The following CKAP5 variants were observed in gnomAD, a reference collection of about 807,000 sequenced individuals.
The protein encoded by CKAP5 is cytoskeleton-associated protein 5.
In CKAP5, 27 loss-of-function variants were observed where a neutral mutation model predicts 232.8. That is an observed-to-expected ratio of 0.12 (90% CI 0.09 to 0.16). The LOEUF is 0.16. Ranked by LOEUF, CKAP5 falls within the 10% of genes least tolerant of loss-of-function variation. The pLI is 1.00. For synonymous variants in CKAP5, 785 were observed against 841.1 expected, an observed-to-expected ratio of 0.93 and a Z score of 1.16; for missense variants, 1,838 against 2,424.7, an observed-to-expected ratio of 0.76 and a Z score of 5.08.
chr11:46,800,931 A>G (rs1040842448), intron 9 of CKAP5, among the ~76,000 whole-genome samples: 1 of 152,028 alleles, frequency 6.6e-6, no homozygotes, highest in South Asian at 2.1e-4. Flanking sequence ...TAGTAAGTAA[A>G]TAAGTAATAA....
chr11:46,762,937 G>T, intron 30 of CKAP5, 39 bp downstream of exon 30: 1 of 1,564,004 alleles, frequency 6.4e-7, no homozygotes, highest in Non-Finnish European at 8.8e-7. Context: ...GGTCAGCTGG[G>T]AACTTAAGCA....
intron 8 of CKAP5, 122 bp downstream of exon 8, chr11:46,807,909 T>C (rs1939192720): frequency 1.6e-6 from 1 of 628,910 alleles, no homozygotes. Flanking sequence ...ATGTCTGTAA[T>C]TCAAATACCA....
intron 38 of CKAP5, among the ~76,000 whole-genome samples, chr11:46,752,369 T>C (rs1291974135): frequency 1.3e-5 from 2 of 150,350 alleles, no homozygotes; most frequent in Non-Finnish European, 1.5e-5. Context: ...AAGGCTGGAG[T>C]GTAGTGGTAT....
Position 46,763,580 on chromosome 11 carries a change from T to C in CKAP5, c.3588A>G (p.Leu1196=). The C allele has an allele frequency of 6.3e-7, 1 of 1,598,642 alleles. No homozygotes were observed. Among genetic ancestry groups the C allele is most frequent in the Non-Finnish European group, 8.5e-7 (1 of 1,173,640 alleles). ...TTPRDEYIEQ[L]KTQMSSCVAK... ...CCACACAGCTAGACATTTGAGTCTT[T>C]AGTTGCTCAATGTATTCATCCCGTG... is the stretch of plus-strand genomic sequence containing the variant. The change falls in exon 29 of 44, where the codon CTA becomes CTG. Residue 1196 remains leucine (L), a synonymous_variant. Coordinates refer to ENST00000529230, the MANE Select transcript of CKAP5 (RefSeq NM_001008938.4).
At chr11:46,753,232 C>T in intron 37 of CKAP5, 78 bp downstream of exon 37, 1 of 1,205,710 alleles carries the variant, frequency 8.3e-7, no homozygotes, top group East Asian at 2.5e-5. Flanking sequence ...AGGAAGTTGA[C>T]TTACGGACAT....
intron 1 of CKAP5, among the ~76,000 whole-genome samples, chr11:46,832,478 G>A (rs1939814112): frequency 6.6e-6 from 1 of 152,176 alleles, no homozygotes; most frequent in African/African-American, 2.4e-5. Context: ...GTCATGTTGA[G>A]CTCTGGAGGT....
rs141354906 is a variant in CKAP5 at position 46,804,917 on chromosome 11, G to C, written c.978+3114C>G. On this transcript the variant is annotated intron_variant, in intron 8 of 43. Transcript: ENST00000529230. ...CATGACAAAATCAAAGAAGCGATGA[G>C]CTGGGAGGGAGGCATCTTATAAATA... Among the ~76,000 whole-genome samples the C allele has an allele frequency of 2.7e-3, 414 of 151,802 alleles. 3 individuals are homozygous for C. The highest frequency in any genetic ancestry group is 9.8e-3 in the African/African-American group (406 of 41,476).
chr11:46,821,931 CG>C (rs1309296091), intron 1 of CKAP5, among the ~76,000 whole-genome samples: 1 of 151,872 alleles, frequency 6.6e-6, no homozygotes, highest in African/African-American at 2.4e-5. Flanking sequence ...CCCATCTACT[CG>C]GAAGTCTGAG....
At chr11:46,835,781 G>T (rs529833649) in intron 1 of CKAP5, among the ~76,000 whole-genome samples, 1 of 152,162 alleles carries the variant, frequency 6.6e-6, no homozygotes, top group South Asian at 2.1e-4. Context: ...CACCCACTTT[G>T]GGGGTGGGCT....
rs746926100 is a variant in CKAP5 at position 46,760,384 on chromosome 11, G to A, written c.4394+228C>T. 3 of 672,674 alleles carry A rather than the reference G, an allele frequency of 4.5e-6. No homozygotes were observed. In the South Asian group the frequency reaches 4.6e-5, roughly 10 times the overall value. The allele number at this position is 672,674 out of a possible 1,614,324, so 41.7% of individuals were successfully genotyped here. On this transcript the variant is annotated intron_variant, in intron 33 of 43. Transcript: ENST00000529230. ...AAGTGCGATACATAATTCTGTCCAC[G>A]GAAAAGCAGTGAAAGAAGGCACAAG...
intron 31 of CKAP5, 175 bp from the exon 32 acceptor site, chr11:46,762,368 C>T: frequency 1.1e-6 from 1 of 875,136 alleles, no homozygotes; most frequent in Non-Finnish European, 1.9e-6. Flanking sequence ...TCAGCAAGTG[C>T]TCCTGAAAGG....
At chr11:46,843,728 GAAAAAAAAA>G (rs11362980) in intron 1 of CKAP5, among the ~76,000 whole-genome samples, 1 of 107,558 alleles carries the variant, frequency 9.3e-6, no homozygotes, top group African/African-American at 3.6e-5. Flanking sequence ...AGATCTGATT[GAAAAAAAAA>G]AAAAAAAAAA....
intron 31 of CKAP5, 134 bp downstream of exon 31, chr11:46,762,493 T>G: frequency 8.9e-7 from 1 of 1,123,384 alleles, no homozygotes; most frequent in Non-Finnish European, 1.4e-6. Flanking sequence ...AACTCATCAC[T>G]CTCACAGTCT....
chr11:46,762,149 T>A lies in CKAP5; in HGVS notation c.4072A>T (p.Asn1358Tyr). 1.9e-6 allele frequency: 3 copies of A among 1,614,116 alleles called. No individual in the cohort carries two copies. Among genetic ancestry groups the A allele is most frequent in the Non-Finnish European group, 2.5e-6 (3 of 1,179,994 alleles). ...TTTCCTGGGGTTGGTTGGCAAACATTCATGCCATAGGACTCAACCAGACAT... is the reference window on the plus strand; with the variant it reads ...TTTCCTGGGGTTGGTTGGCAAACATACATGCCATAGGACTCAACCAGACAT... ...LGCLVESYGMNVCQPTPGKAL... is the reference protein window; with the variant it reads ...LGCLVESYGMYVCQPTPGKAL... Residue 1358 changes from asparagine (N) to tyrosine (Y), a missense_variant, in exon 32 of 44, where the codon AAT (asparagine) becomes TAT (tyrosine). By Grantham distance (143) the Asn-to-Tyr change is moderately radical. Around this residue, in one of 6 missense-constraint regions of CKAP5, gnomAD observed 579 missense variants for 843.2 expected, o/e 0.69. Coordinates refer to ENST00000529230, the MANE Select transcript of CKAP5 (RefSeq NM_001008938.4).
intron 24 of CKAP5, 53 bp from the exon 25 acceptor site, chr11:46,771,035 T>A (rs1592446336): frequency 6.7e-7 from 1 of 1,485,626 alleles, no homozygotes; most frequent in Non-Finnish European, 9.3e-7. Flanking sequence ...ACTGTTATCA[T>A]TTATGATCTC....
chr11:46,837,930 AAC>A (rs1939952695), intron 1 of CKAP5, among the ~76,000 whole-genome samples: 1 of 152,196 alleles, frequency 6.6e-6, no homozygotes, highest in Non-Finnish European at 1.5e-5. Flanking sequence ...GTGGGCTGCA[AAC>A]AGTGACTTCC....
At chr11:46,745,915 G>C (rs2065018925) in intron 42 of CKAP5, among the ~76,000 whole-genome samples, 2 of 152,036 alleles carry the variant, frequency 1.3e-5, no homozygotes, top group African/African-American at 4.8e-5. Context: ...TCGCACCACT[G>C]TACTCCAGCC....
chr11:46,820,450 G>C (rs1408449663), intron 2 of CKAP5, among the ~76,000 whole-genome samples: 1 of 152,034 alleles, frequency 6.6e-6, no homozygotes, highest in Non-Finnish European at 1.5e-5. Flanking sequence ...AGTATTTTTA[G>C]TAATCAACAA....
chr11:46,744,250 G>C lies in CKAP5; in HGVS notation c.5872C>G (p.Pro1958Ala). The C allele has an allele frequency of 6.2e-7, 1 of 1,614,136 alleles. No individual in the cohort carries two copies. Among genetic ancestry groups the C allele is most frequent in the South Asian group, 1.1e-5 (1 of 91,074 alleles). Residue 1958 changes from proline to alanine, a missense_variant, in exon 44 of 44, where the codon CCT (proline) becomes GCT (alanine). Physicochemically the swap from Pro to Ala is conservative, Grantham distance 27. This residue lies in a region of CKAP5 where 579 missense variants were observed against 843.2 expected (regional missense o/e 0.69). Coordinates refer to ENST00000529230, the MANE Select transcript of CKAP5 (RefSeq NM_001008938.4). The part of the protein sequence containing the change: ...LDNTKQDDRP[P>A]LTSLLSKPAV... ...GGTTTGGAGAGCAAAGAGGTCAAAG[G>C]AGGTCGGTCATCTTGCTATTGAGAG...
Sources: allele counts gnomAD v4.1 joint callset (sites outside exome capture counted in the v4.1 genomes callset), GRCh38; gene constraint gnomAD v4.1.1; regional missense constraint gnomAD v4.1.1; transcripts MANE v1.5; gene names NCBI Gene and HGNC (gene_info 2026-07-23, HGNC 2026-07-21).